The following RAB11FIP3 variants were observed in gnomAD, a reference collection of about 807,000 sequenced individuals.
RAB11FIP3 encodes rab11 family-interacting protein 3.
RAB11FIP3 carries 17 observed loss-of-function variants against 77.8 expected under a neutral mutation model. That is an observed-to-expected ratio of 0.22 (90% confidence interval 0.15 to 0.33). RAB11FIP3 has a LOEUF of 0.33. RAB11FIP3 is among the 10% of genes least tolerant of loss of function. The probability of loss-of-function intolerance (pLI) is 1.00; values close to 1 mark genes in which losing one functional copy is unlikely to be tolerated. For missense variants in RAB11FIP3, 1,005 were observed against 1,011.2 expected, an observed-to-expected ratio of 0.99 and a Z score of 0.08; for synonymous variants, 437 against 448.2, an observed-to-expected ratio of 0.98 and a Z score of 0.31.
At chr16:467,339 T>C (rs1394364392) in intron 2 of RAB11FIP3, among the ~76,000 whole-genome samples, 1 of 151,962 alleles carries the variant, frequency 6.6e-6, no homozygotes, top group Non-Finnish European at 1.5e-5. Flanking sequence ...TGAGAGCTGG[T>C]GTGAGGGGTG....
chr16:506,454 G>A lies in RAB11FIP3; in HGVS notation c.1499+827G>A, dbSNP rs1036859449. On this transcript the variant is annotated intron_variant, in intron 8 of 13. Transcript: ENST00000262305. This position sits in a 1 kb window ranked among gnomAD's most constrained non-coding sequence, Gnocchi z 4.5. The stretch of plus-strand genomic sequence containing the variant: ...TGAGCTTCTGTCCCTGCCCAGCTGC[G>A]CGGGCACATCCCGGCTCTTCCACAT... 3.3e-5 allele frequency among the ~76,000 whole-genome samples: 5 copies of A among 152,152 alleles called. No homozygotes were observed. The highest frequency in any genetic ancestry group is 6.5e-5 in the Admixed American group (1 of 15,274).
intron 1 of RAB11FIP3, among the ~76,000 whole-genome samples, chr16:446,087 C>G (rs544093270): frequency 4.6e-5 from 7 of 152,040 alleles, no homozygotes; most frequent in Non-Finnish European, 1.0e-4. Flanking sequence ...CTTTGTTTCC[C>G]TAAAGATCAC....
chr16:431,515 G>A (rs1296036671), intron 1 of RAB11FIP3, among the ~76,000 whole-genome samples: 2 of 152,036 alleles, frequency 1.3e-5, no homozygotes, highest in Non-Finnish European at 2.9e-5. Flanking sequence ...GAGTAGCTTG[G>A]ACTACAGGCG....
At chr16:468,260 G>A (rs1256331673) in intron 2 of RAB11FIP3, among the ~76,000 whole-genome samples, 2 of 127,086 alleles carry the variant, frequency 1.6e-5, no homozygotes, top group Admixed American at 7.6e-5. Flanking sequence ...CAGGGAGGAG[G>A]TGCAGGGAAG....
In RAB11FIP3 at chr16:522,503, C is replaced by T. The variant is rs978063364; in HGVS notation, c.*1664C>T. 6.6e-6 allele frequency: 1 copy of T among 152,180 alleles called. No homozygotes were observed. The highest frequency in any genetic ancestry group is 1.5e-5 in the Non-Finnish European group (1 of 68,060). The allele number at this position is 152,180 out of a possible 1,614,324, so 9.4% of individuals were successfully genotyped here. A position where few individuals can be genotyped will look rare whatever the true frequency, so the allele number is the denominator to read the frequency against. On this transcript the variant is annotated 3_prime_UTR_variant, in exon 14 of 14. Coordinates refer to ENST00000262305, the MANE Select transcript of RAB11FIP3 (RefSeq NM_014700.4). ...CACACGCAGAGGCCGGCTTCTTCCT[C>T]CAGGGGGGCCACAGGGTGGGGTGGG...
In RAB11FIP3 at chr16:505,512, C is replaced by G. The variant is rs370165024; in HGVS notation, c.1396-12C>G. 6.2e-7 allele frequency: 1 copy of G among 1,603,650 alleles called. No individual in the cohort carries two copies. The highest frequency in any genetic ancestry group is 1.3e-5 in the African/African-American group (1 of 74,962). ...TGGCTGCCTGACCCTGAAGCCTGGT[C>G]TCATTGCCAAGGTTGTCTTCCTGGA... is the stretch of plus-strand genomic sequence containing the variant. On this transcript the variant is annotated splice_polypyrimidine_tract_variant and intron_variant, in intron 7 of 13. Coordinates refer to ENST00000262305, the MANE Select transcript of RAB11FIP3 (RefSeq NM_014700.4). This position sits in a 1 kb window ranked among gnomAD's most constrained non-coding sequence, Gnocchi z 4.0.
At chr16:520,626 T>A in intron 13 of RAB11FIP3, 27 bp downstream of exon 13, 1 of 1,611,122 alleles carries the variant, frequency 6.2e-7, no homozygotes, top group East Asian at 2.2e-5. Context: ...CTGCACGGTG[T>A]GGCCTGGGGT....
chr16:493,609 CT>C (rs896358664), intron 5 of RAB11FIP3, among the ~76,000 whole-genome samples: 4 of 152,126 alleles, frequency 2.6e-5, no homozygotes, highest in Admixed American at 6.6e-5. Context: ...GGTATATTTT[CT>C]TTTTTCTTTT....
Position 519,013 on chromosome 16 carries a change from C to A in RAB11FIP3, c.1711C>A (p.Arg571Ser), listed in dbSNP as rs139187380. 10 of 1,613,232 alleles carry A rather than the reference C, an allele frequency of 6.2e-6. No individual in the cohort carries two copies. The highest frequency in any genetic ancestry group is 8.5e-6 in the Non-Finnish European group (10 of 1,179,990). The change falls in exon 10 of 14, where the codon CGT (arginine) becomes AGT (serine). Residue 571 changes from arginine to serine, a missense_variant. Around this residue, in one of 4 missense-constraint regions of RAB11FIP3, gnomAD observed 433 missense variants for 436.1 expected, o/e 0.99. Transcript: ENST00000262305. ...GCCCTGTCTGAAGGCCAACATTGAG[C>A]GTCTGGAGGAGGTGAGCTGCCAACA... ...CTPCLKANIE[R>S]LEEEKQKLLD...
At chr16:519,524 C>T (rs1255372623) in intron 10 of RAB11FIP3, among the ~76,000 whole-genome samples, 2 of 152,256 alleles carry the variant, frequency 1.3e-5, no homozygotes, top group South Asian at 2.1e-4. Context: ...TCCTGCCCCT[C>T]GTGAGAAACG....
At chr16:445,436 T>C (rs528394990) in intron 1 of RAB11FIP3, among the ~76,000 whole-genome samples, 1 of 151,164 alleles carries the variant, frequency 6.6e-6, no homozygotes, top group Admixed American at 6.6e-5. Context: ...AAGACTCTTG[T>C]CTCAAAATAA....
rs2141650533 is a variant in RAB11FIP3 at position 461,522 on chromosome 16, C to T, written c.808+25C>T. ...GGTCAGTCATCCCCGCCATGAGCTC[C>T]CACCTCCTCTCCCGTTCCTCAGCCA... On this transcript the variant is annotated intron_variant, in intron 2 of 13. Transcript: ENST00000262305. The surrounding 1 kb of genome is among the most constrained non-coding windows in gnomAD (Gnocchi z 4.5). 1 of 1,592,250 alleles carries T rather than the reference C, an allele frequency of 6.3e-7. No homozygotes were observed. The highest frequency in any genetic ancestry group is 8.6e-7 in the Non-Finnish European group (1 of 1,161,200).
intron 1 of RAB11FIP3, among the ~76,000 whole-genome samples, chr16:457,091 A>G (rs913383724): frequency 6.6e-6 from 1 of 152,132 alleles, no homozygotes; most frequent in African/African-American, 2.4e-5. Flanking sequence ...TGAAAACAGT[A>G]TAATTCAAGT....
At chr16:515,497 G>A (rs1343764466) in intron 9 of RAB11FIP3, among the ~76,000 whole-genome samples, 1 of 151,986 alleles carries the variant, frequency 6.6e-6, no homozygotes, top group Admixed American at 6.6e-5. Context: ...ACGGACCGGG[G>A]TTCGCATCTC....
At chr16:451,718 C>T (rs1048975041) in intron 1 of RAB11FIP3, among the ~76,000 whole-genome samples, 1 of 152,078 alleles carries the variant, frequency 6.6e-6, no homozygotes, top group Admixed American at 6.6e-5. Flanking sequence ...GCCTATAATC[C>T]TAGCTCCTTG....
chr16:429,267 TC>T (rs2054998551), intron 1 of RAB11FIP3, among the ~76,000 whole-genome samples: 1 of 152,148 alleles, frequency 6.6e-6, no homozygotes, highest in East Asian at 1.9e-4. Context: ...TGACATTATA[TC>T]ATTTCTTCCA....
chr16:497,593 C>G, intron 6 of RAB11FIP3: 1 of 678,918 alleles, frequency 1.5e-6, no homozygotes, highest in Non-Finnish European at 2.0e-6. Context: ...TTGTGCCGGG[C>G]GTTCTCCAGG....
chr16:520,698 C>T, intron 13 of RAB11FIP3, 28 bp from the exon 14 acceptor site: 1 of 1,612,902 alleles, frequency 6.2e-7, no homozygotes, highest in Non-Finnish European at 8.5e-7. Context: ...CCATGCGCCT[C>T]AGCTCTGACC....
At chr16:477,457 C>A (rs1883891) in intron 3 of RAB11FIP3, among the ~76,000 whole-genome samples, 8 of 151,952 alleles carry the variant, frequency 5.3e-5, no homozygotes, top group Non-Finnish European at 7.4e-5. Context: ...CGTCTCGGAC[C>A]TGTGCGCTGG....
Sources: gnomAD v4.1 joint callset for allele counts (sites outside exome capture counted in the v4.1 genomes callset) on GRCh38, gnomAD v4.1.1 for gene constraint, gnomAD v4.1.1 regional missense constraint, Gnocchi (gnomAD v3.1) non-coding constraint, MANE v1.5 for transcripts, NCBI Gene and HGNC (gene_info 2026-07-23, HGNC 2026-07-21) for gene names.